Variants in AURKAIP1 observed in about 807,000 individuals in gnomAD.
The protein encoded by AURKAIP1 is small ribosomal subunit protein bS22, mitochondrial.
AURKAIP1 carries 20 observed loss-of-function variants against 18.4 expected under a neutral mutation model. The observed-to-expected ratio is 1.09, with a 90% CI of 0.77 to 1.58. AURKAIP1 has a LOEUF of 1.58. AURKAIP1 is among the 40% of genes most tolerant of loss of function. The pLI is 0.00. For synonymous variants in AURKAIP1, 156 were observed against 120.8 expected (o/e 1.29, Z -1.91); for missense variants, 319 against 270.7 (o/e 1.18, Z -1.25).
intron 2 of AURKAIP1, 32 bp from the exon 3 acceptor site, chr1:1,374,477 C>A: frequency 7.0e-7 from 1 of 1,436,016 alleles, no homozygotes; most frequent in South Asian, 1.5e-5. Context: ...GGTCACCGCT[C>A]GCGAGACCAC....
In AURKAIP1 at chr1:1,374,083, T is replaced by G; in HGVS notation, c.415A>C (p.Asn139His). 1 of 1,610,790 alleles carries G rather than the reference T, an allele frequency of 6.2e-7. No individual in the cohort carries two copies. The highest frequency in any genetic ancestry group is 8.5e-7 in the Non-Finnish European group (1 of 1,178,042). ...ACCAGCTTCCGGTACTTGTGGTGGT[T>G]CATCTTCCGCCGGCGGATCTTCAGC... Reference protein sequence around the residue: ...NVLKIRRRKMNHHKYRKLVKK... With the variant: ...NVLKIRRRKMHHHKYRKLVKK... The change falls in exon 3 of 4, where the codon AAC (asparagine) becomes CAC (histidine). Residue 139 changes from asparagine (N) to histidine (H), a missense_variant. Transcript: ENST00000338338.
At chr1:1,374,985 G>C in intron 1 of AURKAIP1, 169 bp downstream of exon 1, 1 of 498,548 alleles carries the variant, frequency 2.0e-6, no homozygotes, top group Non-Finnish European at 3.5e-6. Context: ...GCGGTGTCGC[G>C]CTCGGACGCA....
chr1:1,374,625 C>T (rs1266433534), intron 2 of AURKAIP1, 80 bp downstream of exon 2: 2 of 1,473,682 alleles, frequency 1.4e-6, no homozygotes, highest in African/African-American at 1.4e-5. Flanking sequence ...TGGCCACCGG[C>T]CCTGCCCCAG....
At chr1:1,373,977 G>A in intron 3 of AURKAIP1, 23 bp downstream of exon 3, 1 of 1,608,578 alleles carries the variant, frequency 6.2e-7, no homozygotes, top group Non-Finnish European at 8.5e-7. Flanking sequence ...TGCCCTCCCA[G>A]GGCCAAGCAG....
chr1:1,374,861 C>T, intron 1 of AURKAIP1, 71 bp from the exon 2 acceptor site: 2 of 1,040,666 alleles, frequency 1.9e-6, no homozygotes, highest in African/African-American at 1.7e-5. Flanking sequence ...GGGACTGGGG[C>T]GTCTGGTCCC....
chr1:1,374,921 G>A, intron 1 of AURKAIP1, 131 bp from the exon 2 acceptor site: 1 of 625,984 alleles, frequency 1.6e-6, no homozygotes, highest in South Asian at 2.1e-5. Context: ...CCCACAAGGA[G>A]GACTTTGCTT....
chr1:1,374,554 C>A, intron 2 of AURKAIP1, 109 bp from the exon 3 acceptor site: 1 of 1,363,320 alleles, frequency 7.3e-7, no homozygotes, highest in Non-Finnish European at 1.0e-6. Flanking sequence ...TCATTCCTGG[C>A]CTGAACCCCT....
chr1:1,374,787 G>A lies in AURKAIP1; in HGVS notation c.-31C>T, dbSNP rs1644332397. 3.9e-6 allele frequency: 6 copies of A among 1,549,028 alleles called. No individual in the cohort carries two copies. Among genetic ancestry groups the A allele is most frequent in the Admixed American group, 2.0e-5 (1 of 50,924 alleles). ...GTGGGCGGCGGCCACAGGTCCCAGG[G>A]GAGCTGGAACACAAGTGCCCGTTCA... On this transcript the variant is annotated 5_prime_UTR_variant, in exon 2 of 4. Transcript: ENST00000338338.
At chr1:1,375,031 C>A (rs1451919728) in intron 1 of AURKAIP1, 123 bp downstream of exon 1, 1 of 395,390 alleles carries the variant, frequency 2.5e-6, no homozygotes, top group Non-Finnish European at 4.6e-6. Context: ...CGGCCCCCTC[C>A]CCGGGTTCAC....
chr1:1,374,731 T>G lies in AURKAIP1; in HGVS notation c.26A>C (p.Gln9Pro), dbSNP rs773522689. The change falls in exon 2 of 4, where the codon CAG (glutamine) becomes CCG (proline). Residue 9 changes from glutamine (Q) to proline (P), a missense_variant. Gln to Pro is a moderately conservative substitution (Grantham distance 76). Transcript: ENST00000338338. MLLGRLTSQLLRAVPWAGG... is the reference protein window; with the variant it reads MLLGRLTSPLLRAVPWAGG... ...TGCCCAAGGAACGGCCCTCAACAGC[T>G]GGGAAGTCAGGCGCCCCAGGAGCAT... 1 of 1,561,218 alleles carries G rather than the reference T, an allele frequency of 6.4e-7. No individual in the cohort carries two copies. The highest frequency in any genetic ancestry group is 2.4e-5 in the East Asian group (1 of 41,422).
At chr1:1,374,859 G>A in intron 1 of AURKAIP1, 69 bp from the exon 2 acceptor site, 1 of 1,100,860 alleles carries the variant, frequency 9.1e-7, no homozygotes, top group Non-Finnish European at 1.3e-6. Flanking sequence ...CCGGGACTGG[G>A]GCGTCTGGTC....
chr1:1,375,076 C>T (rs1644336126), intron 1 of AURKAIP1, 78 bp downstream of exon 1: 2 of 296,332 alleles, frequency 6.7e-6, no homozygotes, highest in Non-Finnish European at 1.3e-5. Flanking sequence ...CGCCCGGACC[C>T]TCTCGGCTGG....
In AURKAIP1 at chr1:1,374,063, CTT is replaced by C. The variant is rs769499741; in HGVS notation, c.433_434del (p.Lys145AlafsTer?). The C allele has an allele frequency of 6.2e-7, 1 of 1,608,734 alleles. No homozygotes were observed. The highest frequency in any genetic ancestry group is 1.1e-5 in the South Asian group (1 of 91,036). ...RRKMNHHKYRKLVKKTRFLRR... is the reference protein window; with the variant it reads ...RRKMNHHKYRXLVKKTRFLRR... ...GCAGGAACCGCGTCTTCTTCACCAG[CTT>C]CCGGTACTTGTGGTGGTTCATCTTC... On this transcript the variant is annotated frameshift_variant, in exon 3 of 4. Coordinates refer to ENST00000338338, the MANE Select transcript of AURKAIP1 (RefSeq NM_017900.3). LOFTEE classifies it high-confidence loss of function.
chr1:1,374,015 G>A lies in AURKAIP1; in HGVS notation c.483C>T (p.Arg161=). 1 of 1,608,392 alleles carries A rather than the reference G, an allele frequency of 6.2e-7. No individual in the cohort carries two copies. The highest frequency in any genetic ancestry group is 8.5e-7 in the Non-Finnish European group (1 of 1,178,832). ...GGCCACTCACCTGCTTGCGTCTCAG[G>A]CGTCCCTCCTGGACCTTCCTCCGCA... ...RFLRRKVQEG[R]LRRKQIKFEK... Residue 161 remains arginine, a synonymous_variant, in exon 3 of 4, where the codon CGC becomes CGT. Coordinates refer to ENST00000338338, the MANE Select transcript of AURKAIP1 (RefSeq NM_017900.3).
At position 1,373,874 on chromosome 1, in the gene AURKAIP1, A is replaced by G. The variant is rs377242741; in HGVS notation, c.527T>C (p.Ile176Thr). 1.2e-6 allele frequency: 2 copies of G among 1,608,250 alleles called. No individual in the cohort carries two copies. The highest frequency in any genetic ancestry group is 2.7e-5 in the African/African-American group (2 of 75,056). Residue 176 changes from isoleucine to threonine, a missense_variant, in exon 4 of 4, where the codon ATC (isoleucine) becomes ACC (threonine). By Grantham distance (89) the Ile-to-Thr change is moderately conservative. Transcript: ENST00000338338. ...QIKFEKDLRRIWLKAGLKEAP... is the reference protein window; with the variant it reads ...QIKFEKDLRRTWLKAGLKEAP... ...TTCCTTTAGCCCCGCCTTCAGCCAG[A>G]TGCGCCTCAGGTCTTTCTCGAACTT... is the stretch of plus-strand genomic sequence containing the variant.
rs757194804 is a variant in AURKAIP1, at chr1:1,373,909, G to T, written c.499-7C>A. The T allele has an allele frequency of 1.2e-6, 2 of 1,609,136 alleles. No homozygotes were observed. The highest frequency in any genetic ancestry group is 3.3e-5 in the Admixed American group (2 of 60,016). On this transcript the variant is annotated splice_polypyrimidine_tract_variant and splice_region_variant and intron_variant, in intron 3 of 3. Coordinates refer to ENST00000338338, the MANE Select transcript of AURKAIP1 (RefSeq NM_017900.3). Reference sequence around the variant, plus strand: ...GGTCTTTCTCGAACTTGATCTGCAAGACGCAGAGAGAGGGACCGCCAAGTA... The same window carrying T: ...GGTCTTTCTCGAACTTGATCTGCAATACGCAGAGAGAGGGACCGCCAAGTA...
At chr1:1,374,934 A>C (rs1490143259) in intron 1 of AURKAIP1, 144 bp from the exon 2 acceptor site, 1 of 579,452 alleles carries the variant, frequency 1.7e-6, no homozygotes. Context: ...CTTTGCTTCC[A>C]ACACAGCTCG....
At chr1:1,373,951 C>T (rs1644319060) in intron 3 of AURKAIP1, 49 bp from the exon 4 acceptor site, 4 of 1,608,710 alleles carry the variant, frequency 2.5e-6, no homozygotes, top group East Asian at 2.2e-5. Flanking sequence ...GGCAAAGAAA[C>T]GTGTTCTCAG....
intron 3 of AURKAIP1, 45 bp from the exon 4 acceptor site, chr1:1,373,947 G>C (rs201967804): frequency 1.2e-6 from 2 of 1,608,992 alleles, no homozygotes; most frequent in Non-Finnish European, 1.7e-6. Flanking sequence ...TCGTGGCAAA[G>C]AAACGTGTTC....
Sources: allele counts gnomAD v4.1 joint callset, GRCh38; gene constraint gnomAD v4.1.1; transcripts MANE v1.5; gene names NCBI Gene and HGNC (gene_info 2026-07-23, HGNC 2026-07-21).